Variants in AASDH observed in about 807,000 individuals in gnomAD.
AASDH encodes the protein aminoadipate-semialdehyde dehydrogenase.
In AASDH, 81 loss-of-function variants were observed where a neutral mutation model predicts 102.3. That is an observed-to-expected ratio of 0.79 (90% confidence interval 0.66 to 0.95). AASDH has a LOEUF of 0.95. AASDH is among the 40% of genes least tolerant of loss of function. The probability of loss-of-function intolerance (pLI) is 0.00; values close to 1 mark genes in which losing one functional copy is unlikely to be tolerated. For missense variants in AASDH, 1,203 were observed against 1,266.2 expected (o/e 0.95, Z 0.76); for synonymous variants, 398 against 454.0 (o/e 0.88, Z 1.57).
At chr4:56,347,875 G>A (rs1030890067) in intron 11 of AASDH, among the ~76,000 whole-genome samples, 4 of 151,936 alleles carry the variant, frequency 2.6e-5, no homozygotes, top group Non-Finnish European at 4.4e-5. Context: ...CCAGGAGGCC[G>A]GGTGCAGTGG....
rs759974429 is a variant in AASDH, at chr4:56,371,582, G to A, written c.730C>T (p.Pro244Ser). 3.7e-6 allele frequency: 6 copies of A among 1,613,198 alleles called. No individual in the cohort carries two copies. The highest frequency in any genetic ancestry group is 1.1e-5 in the South Asian group (1 of 90,764). ...LFLASPLTFD[P>S]SVVEIFLALS... ...GCAAGAAATATTTCCACAACAGAAG[G>A]ATCGAAGGTCAGAGGTGAAGCCAGA... The change falls in exon 5 of 15, where the codon CCT (proline) becomes TCT (serine). Residue 244 changes from proline (P) to serine (S), a missense_variant. Transcript: ENST00000205214.
At chr4:56,373,828 C>A (rs59733269) in intron 4 of AASDH, among the ~76,000 whole-genome samples, 9 of 151,900 alleles carry the variant, frequency 5.9e-5, no homozygotes, top group Non-Finnish European at 8.8e-5. Flanking sequence ...GCATACAGTT[C>A]ATGTAGTTCC....
chr4:56,385,128 C>A (rs1448646404), intron 1 of AASDH, among the ~76,000 whole-genome samples: 1 of 152,122 alleles, frequency 6.6e-6, no homozygotes, highest in Non-Finnish European at 1.5e-5. Flanking sequence ...TGTAAATAAA[C>A]TTTGCTTTTA....
rs1178873175 is a variant in AASDH, at chr4:56,349,606, G to T, written c.2145C>A (p.Asn715Lys). The T allele has an allele frequency of 6.8e-6, 11 of 1,614,178 alleles. No homozygotes were observed. Among genetic ancestry groups the T allele is most frequent in the Non-Finnish European group, 9.3e-6 (11 of 1,180,032 alleles). ...ACPSDSVSQT[N>K]IQNLKGLNSP... The stretch of plus-strand genomic sequence containing the variant: ...AATTTAAGCCTTTCAAATTTTGAAT[G>T]TTGGTCTGTGAAACTGAGTCAGAAG... The change falls in exon 11 of 15, where the codon AAC becomes AAA. Residue 715 changes from asparagine (N) to lysine (K), a missense_variant. Transcript: ENST00000205214.
At chr4:56,357,590 G>A (rs577662903) in intron 5 of AASDH, among the ~76,000 whole-genome samples, 49 of 150,774 alleles carry the variant, frequency 3.2e-4, no homozygotes, top group Non-Finnish European at 5.5e-4. Context: ...ATTTTCTGTC[G>A]CTACAGATCA....
At chr4:56,381,020 A>C (rs1489194686) in intron 3 of AASDH, among the ~76,000 whole-genome samples, 1 of 152,220 alleles carries the variant, frequency 6.6e-6, no homozygotes, top group East Asian at 1.9e-4. Context: ...ATCATGGGAT[A>C]GGAAGCAAGG....
intron 11 of AASDH, among the ~76,000 whole-genome samples, chr4:56,347,064 A>G (rs1166241675): frequency 6.6e-6 from 1 of 151,966 alleles, no homozygotes; most frequent in African/African-American, 2.4e-5. Flanking sequence ...AAGATGCTCA[A>G]CATCACTGGT....
intron 14 of AASDH, among the ~76,000 whole-genome samples, chr4:56,339,537 A>G (rs1434381779): frequency 6.6e-6 from 1 of 151,670 alleles, no homozygotes; most frequent in African/African-American, 2.4e-5. Flanking sequence ...GATCACCTGC[A>G]GTCAGGAGTT....
At chr4:56,343,807 G>A in intron 12 of AASDH, 123 bp from the exon 13 acceptor site, 2 of 931,976 alleles carry the variant, frequency 2.1e-6, no homozygotes, top group Non-Finnish European at 3.0e-6. Flanking sequence ...TAAAGTACAT[G>A]CCTACTGTGG....
rs763719524 is a variant in AASDH at position 56,349,915 on chromosome 4, T to A, written c.1836A>T (p.Glu612Asp). Reference sequence around the variant, plus strand: ...CTAAAATGGAACTGCTGAGAATAATTTCCAGAAGCCCAGGTACTGATGTAC... The same window carrying A: ...CTAAAATGGAACTGCTGAGAATAATATCCAGAAGCCCAGGTACTGATGTAC... ...LVGTSVPGLL[E>D]IILSSSILEI... The change falls in exon 11 of 15, where the codon GAA (glutamate) becomes GAT (aspartate). Residue 612 changes from glutamate (E) to aspartate (D), a missense_variant. Coordinates refer to ENST00000205214, the MANE Select transcript of AASDH (RefSeq NM_181806.4). The A allele has an allele frequency of 1.5e-5, 24 of 1,613,948 alleles. No individual in the cohort carries two copies. In the Admixed American group the frequency reaches 3.2e-4, roughly 21 times the overall value.
At position 56,349,685 on chromosome 4, in the gene AASDH, G is replaced by T. The variant is rs531675247; in HGVS notation, c.2066C>A (p.Ser689Tyr). The change falls in exon 11 of 15, where the codon TCT (serine) becomes TAT (tyrosine). Residue 689 changes from serine (S) to tyrosine (Y), a missense_variant. Ser to Tyr is a moderately radical substitution (Grantham distance 144). Transcript: ENST00000205214. The part of the protein sequence containing the change: ...VVLSRGSQIL[S>Y]LNSTRFLTKL... Reference sequence around the variant, plus strand: ...TGTTAAAAACCTAGTGGAATTCAGAGACAAAATTTGACTCCCTCTGCTCAG... The same window carrying T: ...TGTTAAAAACCTAGTGGAATTCAGATACAAAATTTGACTCCCTCTGCTCAG... The T allele has an allele frequency of 6.2e-7, 1 of 1,614,106 alleles. No homozygotes were observed. Among genetic ancestry groups the T allele is most frequent in the East Asian group, 2.2e-5 (1 of 44,902 alleles).
chr4:56,356,166 T>C, intron 5 of AASDH: 1 of 694,070 alleles, frequency 1.4e-6, no homozygotes, highest in South Asian at 1.6e-5. Context: ...GGAAAGAAGG[T>C]GGCTCTGGCC....
At chr4:56,363,791 G>T (rs13111432) in intron 5 of AASDH, among the ~76,000 whole-genome samples, 4 of 151,844 alleles carry the variant, frequency 2.6e-5, no homozygotes, top group Admixed American at 6.6e-5. Context: ...GCAGAAAAAC[G>T]GGAAACTCTA....
chr4:56,379,133 A>G (rs1045278689), intron 3 of AASDH, among the ~76,000 whole-genome samples: 3 of 151,860 alleles, frequency 2.0e-5, no homozygotes, highest in African/African-American at 7.3e-5. Flanking sequence ...ATGATCCGCC[A>G]GCTTCAGCCT....
chr4:56,347,637 C>T (rs900722299), intron 11 of AASDH, among the ~76,000 whole-genome samples: 2 of 152,154 alleles, frequency 1.3e-5, no homozygotes, highest in African/African-American at 2.4e-5. Flanking sequence ...CATGGTGGCT[C>T]ACGCCTGTAA....
At chr4:56,362,598 A>G (rs527861159) in intron 5 of AASDH, among the ~76,000 whole-genome samples, 7 of 152,278 alleles carry the variant, frequency 4.6e-5, no homozygotes, top group East Asian at 1.9e-4. Flanking sequence ...TTCATGTCCA[A>G]TTAGGTCTGG....
At chr4:56,369,232 A>G (rs1451637872) in intron 5 of AASDH, among the ~76,000 whole-genome samples, 1 of 152,232 alleles carries the variant, frequency 6.6e-6, no homozygotes, top group Non-Finnish European at 1.5e-5. Flanking sequence ...AACATCAAAC[A>G]AGGGGATGAG....
chr4:56,372,320 A>G (rs1751821440), intron 4 of AASDH, among the ~76,000 whole-genome samples: 1 of 152,154 alleles, frequency 6.6e-6, no homozygotes, highest in Non-Finnish European at 1.5e-5. Context: ...CAGGCCCCAC[A>G]ATTGTGTAAA....
Position 56,351,428 on chromosome 4 carries a change from T to C in AASDH, c.1606A>G (p.Ile536Val), listed in dbSNP as rs1304170877. Residue 536 changes from isoleucine to valine, a missense_variant, in exon 10 of 15, where the codon ATA becomes GTA. Transcript: ENST00000205214. ...GKIDVSELNK[I>V]YLNYINLKSE... is the part of the protein sequence containing the mutation. ...TTCAAGTTTATGTAGTTTAAATATA[T>C]CTTGTTTAACTCAGAAACATCAATT... 3.1e-6 allele frequency: 5 copies of C among 1,593,290 alleles called. No individual in the cohort carries two copies. In the African/African-American group the frequency reaches 6.7e-5, roughly 21 times the overall value.
Sources: allele counts gnomAD v4.1 joint callset (sites outside exome capture counted in the v4.1 genomes callset), GRCh38; gene constraint gnomAD v4.1.1; transcripts MANE v1.5; gene names NCBI Gene and HGNC (gene_info 2026-07-23, HGNC 2026-07-21).